Variants in PIR observed in about 807,000 individuals in gnomAD.
PIR encodes pirin.
In PIR, 22 loss-of-function variants were observed where a neutral mutation model predicts 24.2. The ratio of observed to expected loss-of-function variants is 0.91; its 90% CI spans 0.65 to 1.30. The LOEUF (loss-of-function observed/expected upper bound fraction) is 1.30, where lower values mean the gene tolerates loss of function less well. PIR is among the 50% of genes most tolerant of loss of function. The pLI, the probability that PIR is intolerant of heterozygous loss-of-function variation, is 0.00. For missense variants in PIR, 220 were observed against 220.3 expected (o/e 1.00, Z 0.01); for synonymous variants, 80 against 79.6 (o/e 1.00, Z -0.03).
chrX:15,469,945 T>C (rs1388867501), intron 3 of PIR, among the ~76,000 whole-genome samples: 2 of 111,871 alleles, frequency 1.8e-5, no homozygotes, highest in African/African-American at 6.5e-5. Flanking sequence ...AGAAGGAGTA[T>C]GGGGTGTTTA....
intron 7 of PIR, among the ~76,000 whole-genome samples, chrX:15,399,972 A>G (rs1924322887): frequency 9.0e-6 from 1 of 111,574 alleles, no homozygotes. Context: ...TTTCAGGAGT[A>G]AAGGGGAGAA....
intron 5 of PIR, among the ~76,000 whole-genome samples, chrX:15,434,327 A>G (rs1347187410): frequency 1.9e-5 from 2 of 102,913 alleles, no homozygotes; most frequent in African/African-American, 7.1e-5. Context: ...GAGAAAGAAG[A>G]AGGAGGAACG....
At chrX:15,449,919 C>G (rs969481939) in intron 5 of PIR, among the ~76,000 whole-genome samples, 5 of 111,594 alleles carry the variant, frequency 4.5e-5, no homozygotes, top group Non-Finnish European at 7.5e-5. Context: ...GTTTAAAAGC[C>G]CTTCAAATAA....
At chrX:15,387,554 A>T (rs1923815074) in intron 9 of PIR, among the ~76,000 whole-genome samples, 1 of 111,625 alleles carries the variant, frequency 9.0e-6, no homozygotes, top group Non-Finnish European at 1.9e-5. Flanking sequence ...AAAGAAAAAG[A>T]GAGTTAACAT....
At chrX:15,477,911 CAGTTTT>C (rs1362003732) in intron 3 of PIR, among the ~76,000 whole-genome samples, 3 of 110,831 alleles carry the variant, frequency 2.7e-5, no homozygotes, top group Middle Eastern at 4.2e-3. Context: ...ATTACAGTTA[CAGTTTT>C]AAAGAAAATT....
chrX:15,437,410 T>C (rs1925783150), intron 5 of PIR, among the ~76,000 whole-genome samples: 1 of 111,867 alleles, frequency 8.9e-6, no homozygotes, highest in South Asian at 3.7e-4. Flanking sequence ...TAATACACCA[T>C]TATGGCAATG....
intron 4 of PIR, among the ~76,000 whole-genome samples, chrX:15,459,215 A>G (rs1246765427): frequency 8.9e-6 from 1 of 111,807 alleles, no homozygotes; most frequent in Non-Finnish European, 1.9e-5. Context: ...ACATTGTCTC[A>G]AATGCAGCAG....
At chrX:15,417,272 C>T (rs749303870) in intron 6 of PIR, among the ~76,000 whole-genome samples, 41 of 112,301 alleles carry the variant, frequency 3.7e-4, no homozygotes, top group African/African-American at 1.3e-3. Flanking sequence ...TGATCGTGGC[C>T]TTGTAACAGT....
chrX:15,472,441 T>C (rs912049576), intron 3 of PIR, among the ~76,000 whole-genome samples: 2 of 111,802 alleles, frequency 1.8e-5, no homozygotes, highest in Admixed American at 1.9e-4. Context: ...GATAACAAAA[T>C]GTGGTCTATC....
At chrX:15,444,379 A>C (rs755695213) in intron 5 of PIR, among the ~76,000 whole-genome samples, 2 of 112,704 alleles carry the variant, frequency 1.8e-5, no homozygotes, top group South Asian at 7.2e-4. Flanking sequence ...ATGCTATTGC[A>C]TACTTAACAG....
chrX:15,422,627 T>C (rs770995888), intron 6 of PIR, among the ~76,000 whole-genome samples: 10 of 111,139 alleles, frequency 9.0e-5, no homozygotes, highest in Non-Finnish European at 1.7e-4. Flanking sequence ...AACCAAAGAA[T>C]TGAAAAATCT....
chrX:15,430,723 T>C (rs1384699640), intron 5 of PIR, among the ~76,000 whole-genome samples: 1 of 112,003 alleles, frequency 8.9e-6, no homozygotes, highest in African/African-American at 3.2e-5. Context: ...CTGGCTTCCT[T>C]CCTCTGCTTT....
At chrX:15,471,277 T>C (rs1472214525) in intron 3 of PIR, among the ~76,000 whole-genome samples, 1 of 111,621 alleles carries the variant, frequency 9.0e-6, no homozygotes, top group Non-Finnish European at 1.9e-5. Context: ...GGCTTTTGGC[T>C]AAGATCAAAT....
At chrX:15,434,211 AG>A (rs1424646088) in intron 5 of PIR, among the ~76,000 whole-genome samples, 228 of 99,123 alleles carry the variant, frequency 2.3e-3, no homozygotes, top group African/African-American at 7.1e-3. Flanking sequence ...AAGGAGGAGG[AG>A]AAAGAAGAAG....
chrX:15,475,176 G>T (rs923170411), intron 3 of PIR, among the ~76,000 whole-genome samples: 1 of 110,418 alleles, frequency 9.1e-6, no homozygotes, highest in African/African-American at 3.3e-5. Context: ...GAATCACCAG[G>T]ACCTTTCCCT....
At chrX:15,430,332 G>C (rs972235455) in intron 5 of PIR, among the ~76,000 whole-genome samples, 1 of 111,477 alleles carries the variant, frequency 9.0e-6, no homozygotes, top group Non-Finnish European at 1.9e-5. Context: ...TGTGTTGAAA[G>C]TATTTAGGAA....
At chrX:15,394,392 AT>A (rs1267555193) in intron 8 of PIR, among the ~76,000 whole-genome samples, 1 of 112,163 alleles carries the variant, frequency 8.9e-6, no homozygotes, top group African/African-American at 3.2e-5. Flanking sequence ...ATATAGTCAA[AT>A]GTTAATCTTT....
rs186494186 is a variant in PIR at position 15,430,391 on chromosome X, A to T, written c.481-4401T>A. ...ATATTTCAAAAGCCTAATGGCTTAA[A>T]ATATTATGGTTCAAATATTATGCAG... On this transcript the variant is annotated intron_variant, in intron 5 of 9. Coordinates refer to ENST00000380420, the MANE Select transcript of PIR (RefSeq NM_001018109.3). Among the ~76,000 whole-genome samples, 10 of 112,214 alleles carry T rather than the reference A, an allele frequency of 8.9e-5. No homozygotes were observed. In the East Asian group the frequency reaches 2.8e-3, roughly 31 times the overall value.
intron 6 of PIR, among the ~76,000 whole-genome samples, chrX:15,414,961 C>A (rs750672130): frequency 5.4e-5 from 6 of 111,872 alleles, no homozygotes; most frequent in Non-Finnish European, 1.1e-4. Context: ...AACAGAAAAA[C>A]ACAACACAAT....
Sources: allele counts gnomAD v4.1 joint callset (sites outside exome capture counted in the v4.1 genomes callset), GRCh38; gene constraint gnomAD v4.1.1; transcripts MANE v1.5; gene names NCBI Gene and HGNC (gene_info 2026-07-23, HGNC 2026-07-21).